Variants in OSBPL2 observed in about 807,000 individuals in gnomAD.
The protein encoded by OSBPL2 is oxysterol binding protein like 2, also known as oxysterol-binding protein-related protein 2.
A neutral mutation model predicts 58.4 loss-of-function variants in OSBPL2; 18 were observed. The observed-to-expected ratio is 0.31, with a 90% CI of 0.21 to 0.46. The LOEUF is 0.46. Among genes scored for constraint, OSBPL2 ranks in the 20% least tolerant of loss-of-function variants. The pLI is 1.00. For missense variants in OSBPL2, 461 were observed against 616.5 expected (o/e 0.75, Z 2.67); for synonymous variants, 221 against 234.1 (o/e 0.94, Z 0.51).
chr20:62,255,463 G>T (rs1568830409), intron 1 of OSBPL2, among the ~76,000 whole-genome samples: 1 of 152,006 alleles, frequency 6.6e-6, no homozygotes, highest in Admixed American at 6.6e-5. Context: ...CATAACTGTA[G>T]ATAATGCTTT....
intron 1 of OSBPL2, among the ~76,000 whole-genome samples, chr20:62,239,456 C>G (rs73309526): frequency 0.07 from 10,611 of 152,254 alleles, 500 homozygotes; most frequent in African/African-American, 0.13. Context: ...CGGGGTGTTG[C>G]AGGCTCTCCT....
chr20:62,257,395 C>T (rs1980997270), intron 2 of OSBPL2, among the ~76,000 whole-genome samples: 2 of 152,236 alleles, frequency 1.3e-5, no homozygotes, highest in South Asian at 4.1e-4. Context: ...GCGCTCCTTA[C>T]CGGCTTCAAA....
chr20:62,285,686 G>A (rs1319475082), intron 10 of OSBPL2: 1 of 152,506 alleles, frequency 6.6e-6, no homozygotes, highest in Non-Finnish European at 1.5e-5. Context: ...CCGCTGTGTC[G>A]TCGCACTCAG....
At chr20:62,261,388 G>C (rs1981295641) in intron 3 of OSBPL2, among the ~76,000 whole-genome samples, 1 of 151,586 alleles carries the variant, frequency 6.6e-6, no homozygotes, top group African/African-American at 2.4e-5. Context: ...CCCTGGAGCT[G>C]GTGGCATTGC....
chr20:62,267,156 G>A (rs1447142910), intron 4 of OSBPL2, among the ~76,000 whole-genome samples: 2 of 152,166 alleles, frequency 1.3e-5, no homozygotes, highest in African/African-American at 4.8e-5. Context: ...GATGTAGGAG[G>A]ATCACTTGAG....
chr20:62,254,987 C>T (rs1247168474), intron 1 of OSBPL2, among the ~76,000 whole-genome samples: 1 of 152,166 alleles, frequency 6.6e-6, no homozygotes, highest in Non-Finnish European at 1.5e-5. Flanking sequence ...TTGTTCCAGC[C>T]TCTGGTGAAT....
At position 62,293,915 on chromosome 20, in the gene OSBPL2, C is replaced by G; in HGVS notation, c.*28C>G. 1 of 1,608,052 alleles carries G rather than the reference C, an allele frequency of 6.2e-7. No homozygotes were observed. The highest frequency in any genetic ancestry group is 8.5e-7 in the Non-Finnish European group (1 of 1,177,842). On this transcript the variant is annotated 3_prime_UTR_variant, in exon 14 of 14. Transcript: ENST00000313733. ...GCCTGGAGGGGCCTGGGGCCCGGGA[C>G]CGGAGGCTGACGAGGCTGGACTTCC... is the stretch of plus-strand genomic sequence containing the variant.
chr20:62,249,466 G>A (rs1210638414), intron 1 of OSBPL2, among the ~76,000 whole-genome samples: 1 of 152,196 alleles, frequency 6.6e-6, no homozygotes. Context: ...AATAAACTCT[G>A]CCTTCCTAAT....
chr20:62,280,043 TCTC>T, intron 7 of OSBPL2: 1 of 1,304,142 alleles, frequency 7.7e-7, no homozygotes, highest in South Asian at 1.2e-5. Context: ...AAAACACAAG[TCTC>T]CAACAAATGC....
At chr20:62,287,652 T>TG (rs1242934429) in intron 11 of OSBPL2, among the ~76,000 whole-genome samples, 1 of 152,182 alleles carries the variant, frequency 6.6e-6, no homozygotes. Flanking sequence ...GAGGAGGTCT[T>TG]GCTATGTTGC....
Position 62,294,220 on chromosome 20 carries a change from T to C in OSBPL2, c.*333T>C. On this transcript the variant is annotated 3_prime_UTR_variant, in exon 14 of 14. Coordinates refer to ENST00000313733, the MANE Select transcript of OSBPL2 (RefSeq NM_144498.4). ...CACTCTCAGTCATAGCATGTGTAGC[T>C]AAAGGAAGTAATGGGAAGGGGTTCA... The C allele has an allele frequency of 2.9e-6, 1 of 339,508 alleles. No individual in the cohort carries two copies. The highest frequency in any genetic ancestry group is 5.4e-6 in the Non-Finnish European group (1 of 186,852). The allele number at this position is 339,508 out of a possible 1,614,324, so 21.0% of individuals were successfully genotyped here.
intron 1 of OSBPL2, among the ~76,000 whole-genome samples, chr20:62,253,541 A>G (rs1980712682): frequency 1.3e-5 from 2 of 152,196 alleles, no homozygotes; most frequent in Admixed American, 1.3e-4. Context: ...CAGCAGTGCC[A>G]CAGGCTGGGC....
At chr20:62,250,976 G>A (rs1980485689) in intron 1 of OSBPL2, among the ~76,000 whole-genome samples, 1 of 151,468 alleles carries the variant, frequency 6.6e-6, no homozygotes, top group African/African-American at 2.4e-5. Context: ...AGAATAAAAT[G>A]GTTTCTAATT....
chr20:62,288,898 G>T lies in OSBPL2; in HGVS notation c.1126-309G>T, dbSNP rs145048925. ...GGTTTAGCAGTGGGAGACAGGTGGC[G>T]TGGCTGGAGTGTTTCCAGCAAGCTG... is the stretch of plus-strand genomic sequence containing the variant. On this transcript the variant is annotated intron_variant, in intron 11 of 13. Coordinates refer to ENST00000313733, the MANE Select transcript of OSBPL2 (RefSeq NM_144498.4). This position sits in a 1 kb window ranked among gnomAD's most constrained non-coding sequence, Gnocchi z 4.8. Among the ~76,000 whole-genome samples, 1 of 152,150 alleles carries T rather than the reference G, an allele frequency of 6.6e-6. No individual in the cohort carries two copies. Among genetic ancestry groups the T allele is most frequent in the Non-Finnish European group, 1.5e-5 (1 of 68,022 alleles).
intron 6 of OSBPL2, among the ~76,000 whole-genome samples, chr20:62,274,733 G>A (rs1190280311): frequency 1.3e-5 from 2 of 152,274 alleles, no homozygotes; most frequent in Admixed American, 6.5e-5. Flanking sequence ...CTGGAGGGGC[G>A]TGGGTGGTTA....
chr20:62,248,869 T>C (rs570903893), intron 1 of OSBPL2, among the ~76,000 whole-genome samples: 6 of 152,006 alleles, frequency 3.9e-5, no homozygotes, highest in Non-Finnish European at 7.4e-5. Flanking sequence ...TTTATTTTAT[T>C]TTGTTTTTTT....
At chr20:62,279,920 G>A (rs1180924557) in intron 7 of OSBPL2, 2 of 1,294,858 alleles carry the variant, frequency 1.5e-6, no homozygotes, top group East Asian at 1.1e-4. Flanking sequence ...GTGACTTAGG[G>A]TTGGAATTTG....
At chr20:62,264,065 CAAAAAA>C (rs11476225) in intron 4 of OSBPL2, among the ~76,000 whole-genome samples, 2 of 98,006 alleles carry the variant, frequency 2.0e-5, no homozygotes, top group South Asian at 3.3e-4. Flanking sequence ...GATTCCATCT[CAAAAAA>C]AAAAAAAAAA....
rs1025495523 is a variant in OSBPL2 at position 62,288,416 on chromosome 20, C to T, written c.1126-791C>T. ...TGCAGAGGCTGGGAGGCTGTGGGTGCAGAGGCTGGGAGGCTATGGGTGCAG... is the reference window on the plus strand; with the variant it reads ...TGCAGAGGCTGGGAGGCTGTGGGTGTAGAGGCTGGGAGGCTATGGGTGCAG... On this transcript the variant is annotated intron_variant, in intron 11 of 13. Transcript: ENST00000313733. The surrounding 1 kb of genome is among the most constrained non-coding windows in gnomAD (Gnocchi z 4.8). Among the ~76,000 whole-genome samples the T allele has an allele frequency of 2.6e-5, 4 of 151,022 alleles. No individual in the cohort carries two copies. The highest frequency in any genetic ancestry group is 9.8e-5 in the African/African-American group (4 of 40,846).
Sources: allele counts gnomAD v4.1 joint callset (sites outside exome capture counted in the v4.1 genomes callset), GRCh38; gene constraint gnomAD v4.1.1; non-coding constraint Gnocchi (gnomAD v3.1); transcripts MANE v1.5; gene names NCBI Gene and HGNC (gene_info 2026-07-23, HGNC 2026-07-21).